The following L3MBTL4 variants were observed in gnomAD, a reference collection of about 807,000 sequenced individuals.
L3MBTL4 encodes L3MBTL histone methyl-lysine binding protein 4, also known as lethal(3)malignant brain tumor-like protein 4.
L3MBTL4 carries 70 observed loss-of-function variants against 84.5 expected under a neutral mutation model. The ratio of observed to expected loss-of-function variants is 0.83; its 90% CI spans 0.68 to 1.01. The LOEUF (loss-of-function observed/expected upper bound fraction) is 1.01. Ranked by LOEUF, L3MBTL4 falls within the 50% of genes least tolerant of loss-of-function variation. The probability of loss-of-function intolerance (pLI) is 0.00; values close to 1 mark genes in which losing one functional copy is unlikely to be tolerated. For missense variants in L3MBTL4, 715 were observed against 754.8 expected, an observed-to-expected ratio of 0.95 and a Z score of 0.62; for synonymous variants, 274 against 259.8, an observed-to-expected ratio of 1.05 and a Z score of -0.52.
At chr18:6,309,524 C>T (rs2050735390) in intron 3 of L3MBTL4, among the ~76,000 whole-genome samples, 1 of 152,194 alleles carries the variant, frequency 6.6e-6, no homozygotes, top group Non-Finnish European at 1.5e-5. Context: ...GCACCAGGAA[C>T]ATCATTTAAC....
intron 13 of L3MBTL4, among the ~76,000 whole-genome samples, chr18:6,144,196 C>CAAAAAAAAAAAAAA (rs35746580): frequency 5.2e-5 from 3 of 58,082 alleles, no homozygotes; most frequent in Non-Finnish European, 6.8e-5. Flanking sequence ...ACTCCATCTC[C>CAAAAAAAAAAAAAA]AAAAAAAAAA....
chr18:6,378,444 G>A (rs2054461529), intron 1 of L3MBTL4, among the ~76,000 whole-genome samples: 1 of 152,094 alleles, frequency 6.6e-6, no homozygotes, highest in African/African-American at 2.4e-5. Flanking sequence ...GTATTTTTAT[G>A]GTCCCAGGTC....
chr18:6,391,782 G>A (rs987713260), intron 1 of L3MBTL4, among the ~76,000 whole-genome samples: 4 of 100,256 alleles, frequency 4.0e-5, no homozygotes, highest in African/African-American at 1.0e-4. Context: ...CTACTACTAG[G>A]ACTATACTTA....
At chr18:6,114,942 G>A (rs931456989) in intron 14 of L3MBTL4, among the ~76,000 whole-genome samples, 1 of 152,196 alleles carries the variant, frequency 6.6e-6, no homozygotes, top group African/African-American at 2.4e-5. Flanking sequence ...AGGTCACACA[G>A]CGGAGAGGAG....
chr18:6,397,555 C>T (rs2055325967), intron 1 of L3MBTL4: 1 of 151,984 alleles, frequency 6.6e-6, no homozygotes, highest in African/African-American at 2.4e-5. Flanking sequence ...AAATCTATAT[C>T]AAAATTTTTC....
intron 16 of L3MBTL4, among the ~76,000 whole-genome samples, chr18:6,042,397 C>T (rs116662223): frequency 2.6e-5 from 4 of 151,970 alleles, no homozygotes; most frequent in East Asian, 1.9e-4. Flanking sequence ...ACACCAAGCA[C>T]GTAAATCCAC....
At chr18:6,215,352 C>T (rs1390619430) in intron 11 of L3MBTL4, among the ~76,000 whole-genome samples, 2 of 152,172 alleles carry the variant, frequency 1.3e-5, no homozygotes, top group African/African-American at 2.4e-5. Flanking sequence ...ACATTATCCA[C>T]ACAAAGGCTA....
At chr18:6,032,717 TC>T (rs1189316461) in intron 16 of L3MBTL4, among the ~76,000 whole-genome samples, 1 of 152,110 alleles carries the variant, frequency 6.6e-6, no homozygotes, top group Non-Finnish European at 1.5e-5. Context: ...CATTCTCCCC[TC>T]CTCCCAGCCC....
At chr18:6,199,382 A>G (rs1211124583) in intron 12 of L3MBTL4, among the ~76,000 whole-genome samples, 1 of 152,220 alleles carries the variant, frequency 6.6e-6, no homozygotes, top group Non-Finnish European at 1.5e-5. Flanking sequence ...CCTCAGCCTC[A>G]CTAGCCACAC....
Position 6,093,487 on chromosome 18 carries a change from TC to T in L3MBTL4, c.1240del (p.Glu414ArgfsTer8). 6.2e-7 allele frequency: 1 copy of T among 1,613,784 alleles called. No homozygotes were observed. The highest frequency in any genetic ancestry group is 8.5e-7 in the Non-Finnish European group (1 of 1,179,930). On this transcript the variant is annotated frameshift_variant, in exon 15 of 19. Coordinates refer to ENST00000317931, the MANE Select transcript of L3MBTL4 (RefSeq NM_001330559.2). LOFTEE classifies it high-confidence loss of function. The part of the protein sequence containing the change: ...CPYSDMNLKK[E>X]ATLHDRLREQ... The stretch of plus-strand genomic sequence containing the variant: ...TCTCAAACGATCGTGAAGTGTTGCC[TC>T]CTTTTTCAAGTTCATGTCTGAATAC...
intron 4 of L3MBTL4, among the ~76,000 whole-genome samples, chr18:6,266,954 GTAA>G (rs200159593): frequency 1.3e-5 from 2 of 151,002 alleles, no homozygotes; most frequent in East Asian, 1.9e-4. Context: ...AATAATAATA[GTAA>G]TAATAATAAT....
intron 12 of L3MBTL4, among the ~76,000 whole-genome samples, chr18:6,187,493 T>C (rs1381900438): frequency 6.6e-6 from 1 of 152,178 alleles, no homozygotes; most frequent in Admixed American, 6.5e-5. Context: ...AATAAATGCA[T>C]GTTGCTTCTG....
intron 16 of L3MBTL4, among the ~76,000 whole-genome samples, chr18:6,056,569 G>A (rs571903192): frequency 2.0e-5 from 3 of 152,164 alleles, no homozygotes; most frequent in Non-Finnish European, 4.4e-5. Context: ...GCTTTGAGAG[G>A]TAGAGAAAGG....
intron 13 of L3MBTL4, among the ~76,000 whole-genome samples, chr18:6,159,607 C>T (rs1598947170): frequency 6.6e-6 from 1 of 152,300 alleles, no homozygotes; most frequent in East Asian, 1.9e-4. Context: ...TAAACAAGAG[C>T]CCAGCTTAAT....
At chr18:6,184,962 T>C (rs1449717017) in intron 12 of L3MBTL4, among the ~76,000 whole-genome samples, 2 of 152,250 alleles carry the variant, frequency 1.3e-5, no homozygotes, top group South Asian at 2.1e-4. Flanking sequence ...TGTGCCAGTA[T>C]AACTTGGGCA....
chr18:6,046,806 G>A (rs562391641), intron 16 of L3MBTL4: 15 of 752,880 alleles, frequency 2.0e-5, no homozygotes, highest in Non-Finnish European at 3.7e-5. Context: ...AAGTTAGCAA[G>A]ATCTCAAACT....
At chr18:6,056,939 ATATTGT>A (rs2057046035) in intron 16 of L3MBTL4, among the ~76,000 whole-genome samples, 1 of 152,204 alleles carries the variant, frequency 6.6e-6, no homozygotes, top group East Asian at 1.9e-4. Context: ...CTAGATGAAC[ATATTGT>A]TATTATCAGT....
chr18:6,405,868 T>C (rs2055714202), intron 1 of L3MBTL4, among the ~76,000 whole-genome samples: 1 of 152,242 alleles, frequency 6.6e-6, no homozygotes, highest in Non-Finnish European at 1.5e-5. Flanking sequence ...AATCTATCCA[T>C]GGTTATGAGT....
intron 15 of L3MBTL4, among the ~76,000 whole-genome samples, chr18:6,089,877 T>C (rs2058384573): frequency 6.6e-6 from 1 of 152,220 alleles, no homozygotes; most frequent in African/African-American, 2.4e-5. Flanking sequence ...ACGACCTATG[T>C]TTCAGTCCCA....
Sources: allele counts gnomAD v4.1 joint callset (sites outside exome capture counted in the v4.1 genomes callset), GRCh38; gene constraint gnomAD v4.1.1; transcripts MANE v1.5; gene names NCBI Gene and HGNC (gene_info 2026-07-23, HGNC 2026-07-21).